Variants in ADAMTS17 observed in about 807,000 individuals in gnomAD.
The protein encoded by ADAMTS17 is A disintegrin and metalloproteinase with thrombospondin motifs 17.
ADAMTS17 carries 113 observed loss-of-function variants against 141.5 expected under a neutral mutation model. The observed-to-expected ratio is 0.80, with a 90% CI of 0.69 to 0.93. The LOEUF (loss-of-function observed/expected upper bound fraction) is 0.93, where lower values mean the gene tolerates loss of function less well. Among genes scored for constraint, ADAMTS17 ranks in the 40% least tolerant of loss-of-function variants. ADAMTS17 has a pLI of 0.00. For synonymous variants in ADAMTS17, 768 were observed against 630.6 expected, an observed-to-expected ratio of 1.22 and a Z score of -3.27; for missense variants, 1,659 against 1,517.9, an observed-to-expected ratio of 1.09 and a Z score of -1.54.
chr15:100,127,615 T>G (rs2037811447), intron 12 of ADAMTS17, among the ~76,000 whole-genome samples: 1 of 152,210 alleles, frequency 6.6e-6, no homozygotes, highest in Admixed American at 6.5e-5. Context: ...GGAGTCCCAC[T>G]CTGTCACTCA....
At chr15:100,221,881 C>T (rs925423610) in intron 7 of ADAMTS17, among the ~76,000 whole-genome samples, 2 of 152,200 alleles carry the variant, frequency 1.3e-5, no homozygotes, top group African/African-American at 2.4e-5. Flanking sequence ...CGGCCTTGCA[C>T]ACTCCTTCTG....
intron 15 of ADAMTS17, among the ~76,000 whole-genome samples, chr15:100,056,374 G>A (rs1350524188): frequency 6.6e-6 from 1 of 152,006 alleles, no homozygotes; most frequent in African/African-American, 2.4e-5. Context: ...GCAGTCCCCA[G>A]GACTGCTTTT....
At chr15:100,059,222 G>C (rs1255390060) in intron 15 of ADAMTS17, among the ~76,000 whole-genome samples, 3 of 152,238 alleles carry the variant, frequency 2.0e-5, no homozygotes, top group Non-Finnish European at 4.4e-5. Flanking sequence ...GCGTGGGTTT[G>C]GGGTCAGCTC....
intron 15 of ADAMTS17, among the ~76,000 whole-genome samples, chr15:100,082,417 G>A (rs553898964): frequency 6.6e-6 from 1 of 150,440 alleles, no homozygotes; most frequent in African/African-American, 2.4e-5. Flanking sequence ...GTCTCAGTCT[G>A]TTGCCCAGGA....
chr15:100,263,475 G>C (rs190522441), intron 4 of ADAMTS17, among the ~76,000 whole-genome samples: 3 of 152,278 alleles, frequency 2.0e-5, no homozygotes, highest in Admixed American at 2.0e-4. Flanking sequence ...AATTTTGCAT[G>C]TCTTGTTGCA....
chr15:100,155,761 T>C (rs1288337972), intron 8 of ADAMTS17, among the ~76,000 whole-genome samples: 3 of 152,254 alleles, frequency 2.0e-5, no homozygotes, highest in Admixed American at 6.5e-5. Flanking sequence ...ACTTACAGAA[T>C]GATCTGAATC....
At chr15:100,284,670 C>T (rs986751130) in intron 3 of ADAMTS17, among the ~76,000 whole-genome samples, 3 of 152,224 alleles carry the variant, frequency 2.0e-5, no homozygotes, top group African/African-American at 7.2e-5. Context: ...AGACCCACAG[C>T]ATCATTTTTG....
chr15:100,306,233 GTCTA>G lies in ADAMTS17; in HGVS notation c.616+24652_616+24655del, dbSNP rs1449367989. On this transcript the variant is annotated intron_variant, in intron 3 of 21. Transcript: ENST00000268070. ...AAATTCTTTGACATTGAGCGGTGGG[GTCTA>G]TCTCTCTGCCCTTGAACCTGGGTAG... is the stretch of plus-strand genomic sequence containing the variant. 9.0e-6 allele frequency: 3 copies of G among 333,096 alleles called. No individual in the cohort carries two copies. In the Admixed American group the frequency reaches 1.2e-4, roughly 13 times the overall value. 20.6% of individuals were successfully genotyped at this position (333,096 alleles called of 1,614,324 possible). A position where few individuals can be genotyped will look rare whatever the true frequency, so the allele number is the denominator to read the frequency against.
At position 100,309,345 on chromosome 15, in the gene ADAMTS17, C is replaced by T. The variant is rs573454566; in HGVS notation, c.616+21544G>A. ...CTGCACTCCAGACTGGGTGACAGGG[C>T]GACACCCTGTCTCAAAAACGCACAA... On this transcript the variant is annotated intron_variant, in intron 3 of 21. Coordinates refer to ENST00000268070, the MANE Select transcript of ADAMTS17 (RefSeq NM_139057.4). Among the ~76,000 whole-genome samples, 13 of 152,280 alleles carry T rather than the reference C, an allele frequency of 8.5e-5. No individual in the cohort carries two copies. In the East Asian group the frequency reaches 9.7e-4, roughly 11 times the overall value.
At chr15:100,093,341 A>C (rs950677397) in intron 15 of ADAMTS17, among the ~76,000 whole-genome samples, 3 of 152,190 alleles carry the variant, frequency 2.0e-5, no homozygotes, top group Non-Finnish European at 4.4e-5. Context: ...AAAATTGGGC[A>C]AAAATCCAGC....
chr15:100,021,144 C>T lies in ADAMTS17; in HGVS notation c.2592-23555G>A, dbSNP rs73482719. ...AACAGGGCATAGGGGACCCCTGACTCTCCACCTGGGAGGCTTCAGGCCGAT... is the reference window on the plus strand; with the variant it reads ...AACAGGGCATAGGGGACCCCTGACTTTCCACCTGGGAGGCTTCAGGCCGAT... On this transcript the variant is annotated intron_variant, in intron 18 of 21. Coordinates refer to ENST00000268070, the MANE Select transcript of ADAMTS17 (RefSeq NM_139057.4). Among the ~76,000 whole-genome samples, 1,173 of 152,316 alleles carry T rather than the reference C, an allele frequency of 7.7e-3. 19 individuals are homozygous for T. The highest frequency in any genetic ancestry group is 0.026 in the African/African-American group (1,087 of 41,568).
chr15:100,164,218 G>A (rs1271870765), intron 8 of ADAMTS17, among the ~76,000 whole-genome samples: 1 of 152,170 alleles, frequency 6.6e-6, no homozygotes, highest in Non-Finnish European at 1.5e-5. Context: ...TGATGAGAAG[G>A]TGTCAGCAGC....
chr15:100,145,261 G>C (rs2038845603), intron 10 of ADAMTS17, among the ~76,000 whole-genome samples: 1 of 152,176 alleles, frequency 6.6e-6, no homozygotes, highest in South Asian at 2.1e-4. Flanking sequence ...GGGGAGCCTA[G>C]GGCTTGGGAA....
At chr15:100,327,778 C>T (rs1346339656) in intron 3 of ADAMTS17, among the ~76,000 whole-genome samples, 1 of 152,158 alleles carries the variant, frequency 6.6e-6, no homozygotes, top group Non-Finnish European at 1.5e-5. Flanking sequence ...TTATCAGGCC[C>T]CCAAAATAAG....
Position 100,241,756 on chromosome 15 carries a change from T to C in ADAMTS17, c.1075+12380A>G, listed in dbSNP as rs567133218. Among the ~76,000 whole-genome samples, 4 of 152,260 alleles carry C rather than the reference T, an allele frequency of 2.6e-5. No homozygotes were observed. The South Asian group carries it at 8.3e-4, about 32-fold the overall frequency. ...ACCATGACTCAGCCTTTCCTAACCA[T>C]GATTCAGTTCTTGTCTAACCATGAC... On this transcript the variant is annotated intron_variant, in intron 7 of 21. Coordinates refer to ENST00000268070, the MANE Select transcript of ADAMTS17 (RefSeq NM_139057.4).
chr15:100,302,474 G>A (rs534025028), intron 3 of ADAMTS17, among the ~76,000 whole-genome samples: 59 of 152,266 alleles, frequency 3.9e-4, no homozygotes, highest in Non-Finnish European at 5.0e-4. Flanking sequence ...AACTTTTAAA[G>A]AACTTCCAGA....
chr15:100,136,382 G>C (rs1441123815), intron 10 of ADAMTS17, among the ~76,000 whole-genome samples: 5 of 152,194 alleles, frequency 3.3e-5, no homozygotes, highest in African/African-American at 9.6e-5. Context: ...TCCAAGCTTG[G>C]CCACCAGCAC....
At chr15:100,019,250 A>G (rs2061353589) in intron 18 of ADAMTS17, among the ~76,000 whole-genome samples, 1 of 152,202 alleles carries the variant, frequency 6.6e-6, no homozygotes, top group Non-Finnish European at 1.5e-5. Flanking sequence ...ATATAGTGCA[A>G]GTTTGAAAAT....
intron 18 of ADAMTS17, among the ~76,000 whole-genome samples, chr15:100,029,332 C>T (rs995101450): frequency 6.6e-6 from 1 of 152,196 alleles, no homozygotes; most frequent in Non-Finnish European, 1.5e-5. Context: ...GCTCGGTTTC[C>T]TTTCCTGACT....
Sources: allele counts gnomAD v4.1 joint callset (sites outside exome capture counted in the v4.1 genomes callset), GRCh38; gene constraint gnomAD v4.1.1; transcripts MANE v1.5; gene names NCBI Gene and HGNC (gene_info 2026-07-23, HGNC 2026-07-21).